KRTAP4-12: variants seen among roughly 807,000 people sequenced by gnomAD.
KRTAP4-12 encodes the protein keratin-associated protein 4-12.
In KRTAP4-12, 1 loss-of-function variant was observed where a neutral mutation model predicts 0.9. The observed-to-expected ratio is 1.11, with a 90% CI of 0.40 to 5.29. KRTAP4-12 has a LOEUF of 5.29. Among genes scored for constraint, KRTAP4-12 ranks in the 30% most tolerant of loss-of-function variants. The pLI is 0.16. For synonymous variants in KRTAP4-12, 85 were observed against 94.0 expected (o/e 0.90, Z 0.55); for missense variants, 240 against 265.6 (o/e 0.90, Z 0.67).
chr17:41,123,572 G>T lies in KRTAP4-12; in HGVS notation c.551C>A (p.Thr184Asn), dbSNP rs1567981553. 2 of 1,613,012 alleles carry T rather than the reference G, an allele frequency of 1.2e-6. No individual in the cohort carries two copies. The highest frequency in any genetic ancestry group is 1.1e-5 in the South Asian group (1 of 90,890). ...GCGGGGGCAGGTGGAGATGACACAG[G>T]TTGGGCGATAGCAAGTGGTGTGGCA... Reference protein sequence around the residue: ...VSCHTTCYRPTCVISTCPRPL... With the variant: ...VSCHTTCYRPNCVISTCPRPL... Residue 184 changes from threonine to asparagine, a missense_variant, in exon 1 of 1, where the codon ACC becomes AAC. Physicochemically the swap from Thr to Asn is moderately conservative, Grantham distance 65. Around this residue, in one of 3 missense-constraint regions of KRTAP4-12, gnomAD observed 119 missense variants for 106.2 expected, o/e 1.12. Coordinates refer to ENST00000394014, the MANE Select transcript of KRTAP4-12 (RefSeq NM_031854.3).
chr17:41,123,704 C>G lies in KRTAP4-12; in HGVS notation c.419G>C (p.Cys140Ser). 6.2e-7 allele frequency: 1 copy of G among 1,612,878 alleles called. No individual in the cohort carries two copies. The highest frequency in any genetic ancestry group is 1.3e-5 in the African/African-American group (1 of 74,574). Residue 140 changes from cysteine (C) to serine (S), a missense_variant, in exon 1 of 1, where the codon TGC (cysteine) becomes TCC (serine). Physicochemically the swap from Cys to Ser is moderately radical, Grantham distance 112. Transcript: ENST00000394014. ...GGAGATGCAGCAGCTGGGGCGGCAG[C>G]AGGTGGGCTGGCAGCACACAGACTG... ...CCQSVCCQPT[C>S]CRPSCCISSS... is the part of the protein sequence containing the mutation.
At position 41,123,238 on chromosome 17, in the gene KRTAP4-12, A is replaced by G; in HGVS notation, c.*279T>C. Reference sequence around the variant, plus strand: ...TGTGGCCCTACAAATGATGGAGGCAATCTTCAAATTCCTTAGGCATGATGA... The same window carrying G: ...TGTGGCCCTACAAATGATGGAGGCAGTCTTCAAATTCCTTAGGCATGATGA... On this transcript the variant is annotated 3_prime_UTR_variant, in exon 1 of 1. Transcript: ENST00000394014. 1.6e-6 allele frequency: 1 copy of G among 613,748 alleles called. No homozygotes were observed. The highest frequency in any genetic ancestry group is 2.7e-6 in the Non-Finnish European group (1 of 369,352). 38.0% of individuals were successfully genotyped at this position (613,748 alleles called of 1,614,324 possible).
rs1287442653 is a variant in KRTAP4-12, at chr17:41,123,942, A to C, written c.181T>G (p.Cys61Gly). ...GTGGTCTGACAGCAGCTGGGGCGGCAGCAGGTGGGCTGACAGCACACAGAC... is the reference window on the plus strand; with the variant it reads ...GTGGTCTGACAGCAGCTGGGGCGGCCGCAGGTGGGCTGACAGCACACAGAC... ...CQSVCCQPTC[C>G]RPSCCQTTCC... Residue 61 changes from cysteine (C) to glycine (G), a missense_variant, in exon 1 of 1, where the codon TGC becomes GGC. Transcript: ENST00000394014. 6.4e-7 allele frequency: 1 copy of C among 1,561,172 alleles called. No individual in the cohort carries two copies. The highest frequency in any genetic ancestry group is 8.5e-7 in the Non-Finnish European group (1 of 1,171,812).
At position 41,123,656 on chromosome 17, in the gene KRTAP4-12, C is replaced by G. The variant is rs775778081; in HGVS notation, c.467G>C (p.Cys156Ser). The G allele has an allele frequency of 1.2e-6, 2 of 1,613,530 alleles. No individual in the cohort carries two copies. Among genetic ancestry groups the G allele is most frequent in the Non-Finnish European group, 1.7e-6 (2 of 1,179,968 alleles). The change falls in exon 1 of 1, where the codon TGT (cysteine) becomes TCT (serine). Residue 156 changes from cysteine to serine, a missense_variant. Physicochemically the swap from Cys to Ser is moderately radical, Grantham distance 112 (BLOSUM62 -1). Coordinates refer to ENST00000394014, the MANE Select transcript of KRTAP4-12 (RefSeq NM_031854.3). ...GCAGGGGCGGCAGCAGCTGGATTCA[C>G]AGCAAGAGGGGCAGCAGCTGCTGGA... ...CISSSCCPSCCESSCCRPCCC... is the reference protein window; with the variant it reads ...CISSSCCPSCSESSCCRPCCC...
rs767025105 is a variant in KRTAP4-12 at position 41,123,665 on chromosome 17, G to C, written c.458C>G (p.Pro153Arg). ...PSCCISSSCC[P>R]SCCESSCCRP... ...GCAGCAGCTGGATTCACAGCAAGAG[G>C]GGCAGCAGCTGCTGGAGATGCAGCA... Residue 153 changes from proline to arginine, a missense_variant, in exon 1 of 1, where the codon CCC (proline) becomes CGC (arginine). Physicochemically the swap from Pro to Arg is moderately radical, Grantham distance 103. Transcript: ENST00000394014. 1 of 1,613,280 alleles carries C rather than the reference G, an allele frequency of 6.2e-7. No individual in the cohort carries two copies. Among genetic ancestry groups the C allele is most frequent in the Non-Finnish European group, 8.5e-7 (1 of 1,179,908 alleles).
At position 41,123,312 on chromosome 17, in the gene KRTAP4-12, G is replaced by T; in HGVS notation, c.*205C>A. 1 of 1,045,178 alleles carries T rather than the reference G, an allele frequency of 9.6e-7. No individual in the cohort carries two copies. The highest frequency in any genetic ancestry group is 1.4e-6 in the Non-Finnish European group (1 of 734,098). 64.7% of individuals were successfully genotyped at this position (1,045,178 alleles called of 1,614,324 possible). Reference sequence around the variant, plus strand: ...GTGGGAGGATGTTGGAGGACAATTTGTCAATTTATTAGGAGATTGTCAATG... The same window carrying T: ...GTGGGAGGATGTTGGAGGACAATTTTTCAATTTATTAGGAGATTGTCAATG... On this transcript the variant is annotated 3_prime_UTR_variant, in exon 1 of 1. Transcript: ENST00000394014.
Position 41,123,342 on chromosome 17 carries a change from C to T in KRTAP4-12, c.*175G>A. 7.9e-7 allele frequency: 1 copy of T among 1,263,028 alleles called. No homozygotes were observed. The highest frequency in any genetic ancestry group is 1.6e-5 in the South Asian group (1 of 61,652). 78.2% of individuals were successfully genotyped at this position (1,263,028 alleles called of 1,614,324 possible). A position where few individuals can be genotyped will look rare whatever the true frequency, so the allele number is the denominator to read the frequency against. Reference sequence around the variant, plus strand: ...TTTATTAGGAGATTGTCAATGAATTCCTTTGGAAGGAAGGGAGTTTGGACA... The same window carrying T: ...TTTATTAGGAGATTGTCAATGAATTTCTTTGGAAGGAAGGGAGTTTGGACA... On this transcript the variant is annotated 3_prime_UTR_variant, in exon 1 of 1. Coordinates refer to ENST00000394014, the MANE Select transcript of KRTAP4-12 (RefSeq NM_031854.3).
chr17:41,123,603 C>T lies in KRTAP4-12; in HGVS notation c.520G>A (p.Val174Ile). ...CGATAGCAAGTGGTGTGGCAGGAGA[C>T]TCGGCCACAGACTGGACGCAGGCAG... ...CCCLRPVCGR[V>I]SCHTTCYRPT... The change falls in exon 1 of 1, where the codon GTC becomes ATC. Residue 174 changes from valine to isoleucine, a missense_variant. This residue lies in a region of KRTAP4-12 where 119 missense variants were observed against 106.2 expected (regional missense o/e 1.12). Transcript: ENST00000394014. 3 of 1,612,778 alleles carry T rather than the reference C, an allele frequency of 1.9e-6. No individual in the cohort carries two copies. Among genetic ancestry groups the T allele is most frequent in the Non-Finnish European group, 2.5e-6 (3 of 1,179,460 alleles).
Position 41,123,618 on chromosome 17 carries a change from G to T in KRTAP4-12, c.505C>A (p.Pro169Thr), listed in dbSNP as rs2014443907. ...TGGCAGGAGACTCGGCCACAGACTG[G>T]ACGCAGGCAGCAGCAGGGGCGGCAG... ...SCCRPCCCLR[P>T]VCGRVSCHTT... The change falls in exon 1 of 1, where the codon CCA becomes ACA. Residue 169 changes from proline to threonine, a missense_variant. Pro to Thr is a conservative substitution (Grantham distance 38). Transcript: ENST00000394014. 1 of 1,613,306 alleles carries T rather than the reference G, an allele frequency of 6.2e-7. No homozygotes were observed. Among genetic ancestry groups the T allele is most frequent in the Non-Finnish European group, 8.5e-7 (1 of 1,179,768 alleles).
At position 41,123,751 on chromosome 17, in the gene KRTAP4-12, G is replaced by T. The variant is rs781138060; in HGVS notation, c.372C>A (p.Ser124Arg). 3 of 1,612,372 alleles carry T rather than the reference G, an allele frequency of 1.9e-6. No individual in the cohort carries two copies. The South Asian group carries it at 3.3e-5, about 18-fold the overall frequency. The change falls in exon 1 of 1, where the codon AGC becomes AGA. Residue 124 changes from serine to arginine, a missense_variant. This residue lies in a region of KRTAP4-12 where 119 missense variants were observed against 106.2 expected (regional missense o/e 1.12). Transcript: ENST00000394014. Reference sequence around the variant, plus strand: ...ACTGGCAGCACTGGGGTCTGCAGCAGCTGGACACACAGCAGCTGGGGCGGC... The same window carrying T: ...ACTGGCAGCACTGGGGTCTGCAGCATCTGGACACACAGCAGCTGGGGCGGC... ...TCCRPSCCVS[S>R]CCRPQCCQSV...
chr17:41,123,482 A>T lies in KRTAP4-12; in HGVS notation c.*35T>A. On this transcript the variant is annotated 3_prime_UTR_variant, in exon 1 of 1. Coordinates refer to ENST00000394014, the MANE Select transcript of KRTAP4-12 (RefSeq NM_031854.3). ...TGAGAGCCTTCATCTGTAGGAAAGG[A>T]CGTAATAAGGAAGTGGTGTGTTCAC... The T allele has an allele frequency of 6.3e-7, 1 of 1,579,450 alleles. No individual in the cohort carries two copies. Among genetic ancestry groups the T allele is most frequent in the Non-Finnish European group, 8.6e-7 (1 of 1,161,768 alleles).
In KRTAP4-12 at chr17:41,123,738, G is replaced by T; in HGVS notation, c.385C>A (p.Gln129Lys). 6.2e-7 allele frequency: 1 copy of T among 1,611,970 alleles called. No homozygotes were observed. Among genetic ancestry groups the T allele is most frequent in the Non-Finnish European group, 8.5e-7 (1 of 1,179,222 alleles). Reference sequence around the variant, plus strand: ...TGGCAGCACACAGACTGGCAGCACTGGGGTCTGCAGCAGCTGGACACACAG... The same window carrying T: ...TGGCAGCACACAGACTGGCAGCACTTGGGTCTGCAGCAGCTGGACACACAG... Reference protein sequence around the residue: ...SCCVSSCCRPQCCQSVCCQPT... With the variant: ...SCCVSSCCRPKCCQSVCCQPT... Residue 129 changes from glutamine (Q) to lysine (K), a missense_variant, in exon 1 of 1, where the codon CAG becomes AAG. Physicochemically the swap from Gln to Lys is moderately conservative, Grantham distance 53. Transcript: ENST00000394014.
Position 41,124,136 on chromosome 17 carries a change from G to A in KRTAP4-12, c.-14C>T, listed in dbSNP as rs561833959. 67 of 1,598,806 alleles carry A rather than the reference G, an allele frequency of 4.2e-5. No homozygotes were observed. Among genetic ancestry groups the A allele is most frequent in the Non-Finnish European group, 5.2e-5 (61 of 1,171,060 alleles). ...GGAGTTGACCATGGTGTCAGAGGGT[G>A]GAGGTTCTCGGTGGGTTTCCAGGAG... On this transcript the variant is annotated 5_prime_UTR_variant, in exon 1 of 1. Coordinates refer to ENST00000394014, the MANE Select transcript of KRTAP4-12 (RefSeq NM_031854.3).
chr17:41,123,797 G>A lies in KRTAP4-12; in HGVS notation c.326C>T (p.Thr109Ile), dbSNP rs1269443714. 5 of 1,581,328 alleles carry A rather than the reference G, an allele frequency of 3.2e-6. No individual in the cohort carries two copies. The Admixed American group carries it at 5.3e-5, about 17-fold the overall frequency. ...GCGGCAGCAAGTGGTCCTGCAGCAG[G>A]TGGTCTGACAGCAGCTGGGGCGGCA... is the stretch of plus-strand genomic sequence containing the variant. ...TCCRPSCCQT[T>I]CCRTTCCRPS... is the part of the protein sequence containing the mutation. The change falls in exon 1 of 1, where the codon ACC (threonine) becomes ATC (isoleucine). Residue 109 changes from threonine to isoleucine, a missense_variant. By Grantham distance (89) the Thr-to-Ile change is moderately conservative (BLOSUM62 -1). Transcript: ENST00000394014.
Position 41,123,966 on chromosome 17 carries a change from A to G in KRTAP4-12, c.157T>C (p.Ser53Pro), listed in dbSNP as rs753883239. ...CAGCAGGTGGGCTGACAGCACACAG[A>G]CTGGCAGCACTGGGGCCTGCAGCAG... ...SSCCRPQCCQ[S>P]VCCQPTCCRP... is the part of the protein sequence containing the mutation. The change falls in exon 1 of 1, where the codon TCT becomes CCT. Residue 53 changes from serine (S) to proline (P), a missense_variant. Coordinates refer to ENST00000394014, the MANE Select transcript of KRTAP4-12 (RefSeq NM_031854.3). 6.4e-7 allele frequency: 1 copy of G among 1,558,122 alleles called. No homozygotes were observed. The highest frequency in any genetic ancestry group is 8.5e-7 in the Non-Finnish European group (1 of 1,170,032).
Position 41,123,520 on chromosome 17 carries a change from G to A in KRTAP4-12, c.603C>T (p.Cys201=). The A allele has an allele frequency of 6.2e-7, 1 of 1,611,076 alleles. No homozygotes were observed. The highest frequency in any genetic ancestry group is 8.5e-7 in the Non-Finnish European group (1 of 1,178,580). Reference sequence around the variant, plus strand: ...GTGGTGTGTTCACAGCAGAGATTTAGCAGCAAGAGGAGGCACAGCACAAGG... The same window carrying A: ...GTGGTGTGTTCACAGCAGAGATTTAACAGCAAGAGGAGGCACAGCACAAGG... ...PRPLCCASSC[C] Residue 201 remains cysteine, a synonymous_variant, in exon 1 of 1, where the codon TGC becomes TGT. Coordinates refer to ENST00000394014, the MANE Select transcript of KRTAP4-12 (RefSeq NM_031854.3).
rs1228555161 is a variant in KRTAP4-12 at position 41,124,182 on chromosome 17, T to C, written c.-60A>G. On this transcript the variant is annotated 5_prime_UTR_variant, in exon 1 of 1. Coordinates refer to ENST00000394014, the MANE Select transcript of KRTAP4-12 (RefSeq NM_031854.3). ...AGGAGAGTGAGTGTTCTGAGTTTGA[T>C]CTCTCCTTGTTCTCTCTTTTGCTTT... 20 of 1,560,420 alleles carry C rather than the reference T, an allele frequency of 1.3e-5. No individual in the cohort carries two copies. Among genetic ancestry groups the C allele is most frequent in the Non-Finnish European group, 5.2e-6 (6 of 1,153,598 alleles).
Position 41,123,226 on chromosome 17 carries a change from A to G in KRTAP4-12, c.*291T>C. The G allele has an allele frequency of 1.7e-6, 1 of 586,182 alleles. No individual in the cohort carries two copies. The highest frequency in any genetic ancestry group is 2.9e-6 in the Non-Finnish European group (1 of 348,030). The allele number at this position is 586,182 out of a possible 1,614,324, so 36.3% of individuals were successfully genotyped here. ...GGCTTTAAGATCTGTGGCCCTACAA[A>G]TGATGGAGGCAATCTTCAAATTCCT... On this transcript the variant is annotated 3_prime_UTR_variant, in exon 1 of 1. Coordinates refer to ENST00000394014, the MANE Select transcript of KRTAP4-12 (RefSeq NM_031854.3).
At position 41,123,293 on chromosome 17, in the gene KRTAP4-12, G is replaced by A. The variant is rs1047809693; in HGVS notation, c.*224C>T. The stretch of plus-strand genomic sequence containing the variant: ...ATGTCCTGAAGTCAAAGAGGTGGGA[G>A]GATGTTGGAGGACAATTTGTCAATT... On this transcript the variant is annotated 3_prime_UTR_variant, in exon 1 of 1. Coordinates refer to ENST00000394014, the MANE Select transcript of KRTAP4-12 (RefSeq NM_031854.3). 3.4e-6 allele frequency: 3 copies of A among 872,202 alleles called. No homozygotes were observed. The highest frequency in any genetic ancestry group is 5.4e-5 in the East Asian group (2 of 37,176). 54.0% of individuals were successfully genotyped at this position (872,202 alleles called of 1,614,324 possible). A position where few individuals can be genotyped will look rare whatever the true frequency, so the allele number is the denominator to read the frequency against.
Sources: allele counts gnomAD v4.1 joint callset, GRCh38; gene constraint gnomAD v4.1.1; regional missense constraint gnomAD v4.1.1; transcripts MANE v1.5; gene names NCBI Gene and HGNC (gene_info 2026-07-23, HGNC 2026-07-21).